The following SLC8A2 variants were observed in gnomAD, a reference collection of about 807,000 sequenced individuals.
The protein encoded by SLC8A2 is solute carrier family 8 member A2, also known as sodium/calcium exchanger 2.
Under a neutral mutation model 70.2 loss-of-function variants are expected in SLC8A2, and 14 were observed. The observed-to-expected ratio is 0.20, with a 90% CI of 0.13 to 0.31. The LOEUF is 0.31. Among genes scored for constraint, SLC8A2 ranks in the 10% least tolerant of loss-of-function variants. The pLI is 1.00. For synonymous variants in SLC8A2, 575 were observed against 594.3 expected (o/e 0.97, Z 0.47); for missense variants, 779 against 1,320.1 (o/e 0.59, Z 6.35).
At chr19:47,440,438 A>ATCTTTTTTTT (rs145434637) in intron 6 of SLC8A2, among the ~76,000 whole-genome samples, 15,464 of 151,940 alleles carry the variant, frequency 0.1, 851 homozygotes, top group Middle Eastern at 0.16. Flanking sequence ...TACAGACATA[A>ATCTTTTTTTT]TCTTTTGAGA....
chr19:47,452,461 T>A (rs1967256088), intron 3 of SLC8A2, among the ~76,000 whole-genome samples: 3 of 140,484 alleles, frequency 2.1e-5, no homozygotes, highest in Admixed American at 7.0e-5. Flanking sequence ...TGTGTGTGTG[T>A]GTGTGTGTGT....
intron 3 of SLC8A2, among the ~76,000 whole-genome samples, chr19:47,455,415 T>A (rs1255522463): frequency 6.6e-6 from 1 of 152,254 alleles, no homozygotes; most frequent in Non-Finnish European, 1.5e-5. Context: ...GGCATTTTTA[T>A]GTAATCAGTG....
Position 47,471,812 on chromosome 19 carries a change from TC to T in SLC8A2, c.-41del, listed in dbSNP as rs1967544953. On this transcript the variant is annotated 5_prime_UTR_variant, in exon 1 of 10. Transcript: ENST00000236877. ...ACCTGCGGCTACAGCCTGGAGCAGG[TC>T]CCCCCAGCGCTGGGCTGGCAGTGGT... 6.8e-6 allele frequency: 1 copy of T among 146,676 alleles called. No homozygotes were observed. Among genetic ancestry groups the T allele is most frequent in the Non-Finnish European group, 1.5e-5 (1 of 66,626 alleles). 9.1% of individuals were successfully genotyped at this position (146,676 alleles called of 1,614,324 possible).
At chr19:47,454,379 C>T (rs181432603) in intron 3 of SLC8A2, among the ~76,000 whole-genome samples, 10 of 152,258 alleles carry the variant, frequency 6.6e-5, no homozygotes, top group Admixed American at 3.9e-4. Context: ...TGATATGGTG[C>T]ACTGGGAGAG....
chr19:47,433,984 T>C (rs1461168342), intron 8 of SLC8A2, among the ~76,000 whole-genome samples: 1 of 152,174 alleles, frequency 6.6e-6, no homozygotes, highest in Non-Finnish European at 1.5e-5. Context: ...CCTAAGGCAG[T>C]GTTTTGTTTA....
chr19:47,432,594 G>T lies in SLC8A2; in HGVS notation c.2111-149C>A. 1.5e-6 allele frequency: 1 copy of T among 687,408 alleles called. No individual in the cohort carries two copies. The highest frequency in any genetic ancestry group is 1.8e-5 in the African/African-American group (1 of 55,696). The allele number at this position is 687,408 out of a possible 1,614,324, so 42.6% of individuals were successfully genotyped here. On this transcript the variant is annotated intron_variant, in intron 8 of 9. Coordinates refer to ENST00000236877, the MANE Select transcript of SLC8A2 (RefSeq NM_015063.3). The surrounding 1 kb of genome is among the most constrained non-coding windows in gnomAD (Gnocchi z 6.2). ...GCACCTACCTGTGGCCAAGTCAACT[G>T]CTAAAAACAGTTACTTTCCCAGAAT...
intron 8 of SLC8A2, among the ~76,000 whole-genome samples, chr19:47,435,525 C>T (rs772828835): frequency 7.9e-5 from 12 of 151,230 alleles, no homozygotes; most frequent in Middle Eastern, 3.4e-3. Flanking sequence ...CTGCAGGGCC[C>T]GTCTCCTGCT....
At chr19:47,464,520 C>T (rs898682202) in intron 2 of SLC8A2, among the ~76,000 whole-genome samples, 2 of 152,186 alleles carry the variant, frequency 1.3e-5, no homozygotes, top group African/African-American at 4.8e-5. Context: ...GGGAAACTCT[C>T]TCCTCTTTCT....
rs1185440235 is a variant in SLC8A2 at position 47,448,244 on chromosome 19, G to A, written c.1341-13C>T. 7 of 1,578,180 alleles carry A rather than the reference G, an allele frequency of 4.4e-6. No individual in the cohort carries two copies. The East Asian group carries it at 1.4e-4, about 30-fold the overall frequency. ...CAGCGTGCCCTCGCTGCGGCGGGGT[G>A]GGGAGGGGGAAGAGCGGGGTGAGGG... On this transcript the variant is annotated splice_polypyrimidine_tract_variant and intron_variant, in intron 3 of 9. Coordinates refer to ENST00000236877, the MANE Select transcript of SLC8A2 (RefSeq NM_015063.3). This position sits in a 1 kb window ranked among gnomAD's most constrained non-coding sequence, Gnocchi z 4.8.
At chr19:47,439,059 C>T (rs1290925537) in intron 6 of SLC8A2, among the ~76,000 whole-genome samples, 2 of 152,166 alleles carry the variant, frequency 1.3e-5, no homozygotes, top group African/African-American at 2.4e-5. Flanking sequence ...GATGGTCAGT[C>T]CCTCCAGGCT....
chr19:47,437,681 C>G, intron 7 of SLC8A2, 120 bp from the exon 8 acceptor site: 1 of 1,150,858 alleles, frequency 8.7e-7, no homozygotes, highest in Non-Finnish European at 1.3e-6. Flanking sequence ...TTCCACACCC[C>G]CGTTCTGAAG....
At position 47,431,521 on chromosome 19, in the gene SLC8A2, C is replaced by A. The variant is rs767994401; in HGVS notation, c.2389+646G>T. Among the ~76,000 whole-genome samples, 13 of 151,976 alleles carry A rather than the reference C, an allele frequency of 8.6e-5. No homozygotes were observed. In the South Asian group the frequency reaches 1.7e-3, roughly 19 times the overall value. On this transcript the variant is annotated intron_variant, in intron 9 of 9. Transcript: ENST00000236877. ...AAAATTAGCTGGATGTGGTGGCGCA[C>A]GCCTGTAGTCTCAGCTGCTCAGGAG...
rs1966947366 is a variant in SLC8A2, at chr19:47,430,745, G to A, written c.2390-280C>T. On this transcript the variant is annotated intron_variant, in intron 9 of 9. Coordinates refer to ENST00000236877, the MANE Select transcript of SLC8A2 (RefSeq NM_015063.3). This position sits in a 1 kb window ranked among gnomAD's most constrained non-coding sequence, Gnocchi z 5.9. ...TGCGTGATTTCTTTTTTTTTCCTCC[G>A]AGACGGAGTTTTGCTCTGTCACCCA... is the stretch of plus-strand genomic sequence containing the variant. Among the ~76,000 whole-genome samples the A allele has an allele frequency of 6.6e-6, 1 of 151,814 alleles. No homozygotes were observed. Among genetic ancestry groups the A allele is most frequent in the African/African-American group, 2.4e-5 (1 of 41,328 alleles).
intron 6 of SLC8A2, among the ~76,000 whole-genome samples, chr19:47,438,843 C>A (rs565407552): frequency 6.6e-6 from 1 of 152,320 alleles, no homozygotes; most frequent in African/African-American, 2.4e-5. Context: ...TCCAGTCCTA[C>A]ACCTGACCTC....
rs1404115654 is a variant in SLC8A2, at chr19:47,432,500, AGAGGCCCCAT to A, written c.2111-65_2111-56del. On this transcript the variant is annotated intron_variant, in intron 8 of 9. Coordinates refer to ENST00000236877, the MANE Select transcript of SLC8A2 (RefSeq NM_015063.3). The surrounding 1 kb of genome is among the most constrained non-coding windows in gnomAD (Gnocchi z 6.2). ...CACTCAGACTTCCTTCCTTGCCTAC[AGAGGCCCCAT>A]TTTGTCTAACTTCCTGACAGCAAGT... 6.7e-7 allele frequency: 1 copy of A among 1,495,670 alleles called. No individual in the cohort carries two copies. Among genetic ancestry groups the A allele is most frequent in the Non-Finnish European group, 8.9e-7 (1 of 1,121,462 alleles). 92.6% of individuals were successfully genotyped at this position (1,495,670 alleles called of 1,614,324 possible). A position where few individuals can be genotyped will look rare whatever the true frequency, so the allele number is the denominator to read the frequency against.
chr19:47,460,705 AAAAG>A lies in SLC8A2; in HGVS notation c.676-3115_676-3112del, dbSNP rs574198976. On this transcript the variant is annotated intron_variant, in intron 2 of 9. Coordinates refer to ENST00000236877, the MANE Select transcript of SLC8A2 (RefSeq NM_015063.3). Reference sequence around the variant, plus strand: ...GAATGAGACTCCATCTTAAAAAAAAAAAAGAAAGAAAAAGAAAAAAAAGAACATC... The same window carrying A: ...GAATGAGACTCCATCTTAAAAAAAAAAAAGAAAAAGAAAAAAAAGAACATC... Among the ~76,000 whole-genome samples the A allele has an allele frequency of 3.2e-3, 486 of 151,612 alleles. 3 individuals are homozygous for A. The highest frequency in any genetic ancestry group is 0.011 in the African/African-American group (471 of 41,196).
intron 3 of SLC8A2, among the ~76,000 whole-genome samples, chr19:47,449,633 AT>A (rs1479763633): frequency 3.9e-5 from 6 of 152,154 alleles, no homozygotes; most frequent in African/African-American, 1.2e-4. Context: ...CAAAAAGAGT[AT>A]TTTTGGTAAA....
Position 47,438,329 on chromosome 19 carries a change from G to A in SLC8A2, c.1886-356C>T, listed in dbSNP as rs547731419. ...TTGTGAGACTTAAATGAGTTAATTCGTGTGAAGTGCTTAGAACAGTGCCTG... is the reference window on the plus strand; with the variant it reads ...TTGTGAGACTTAAATGAGTTAATTCATGTGAAGTGCTTAGAACAGTGCCTG... On this transcript the variant is annotated intron_variant, in intron 6 of 9. Transcript: ENST00000236877. Among the ~76,000 whole-genome samples, 9 of 152,228 alleles carry A rather than the reference G, an allele frequency of 5.9e-5. 1 individual carries two copies. The South Asian group carries it at 1.0e-3, about 18-fold the overall frequency.
intron 1 of SLC8A2, among the ~76,000 whole-genome samples, chr19:47,471,217 G>C (rs1198811073): frequency 6.6e-6 from 1 of 151,646 alleles, no homozygotes; most frequent in African/African-American, 2.4e-5. Flanking sequence ...AGAGACACAG[G>C]AAAGCTGAGA....
Sources: allele counts gnomAD v4.1 joint callset (sites outside exome capture counted in the v4.1 genomes callset), GRCh38; gene constraint gnomAD v4.1.1; non-coding constraint Gnocchi (gnomAD v3.1); transcripts MANE v1.5; gene names NCBI Gene and HGNC (gene_info 2026-07-23, HGNC 2026-07-21).